Variants in ARHGEF38 observed in about 807,000 individuals in gnomAD.
ARHGEF38 encodes Rho guanine nucleotide exchange factor (GEF) 38.
A neutral mutation model predicts 79.9 loss-of-function variants in ARHGEF38; 79 were observed. The ratio of observed to expected loss-of-function variants is 0.99; its 90% CI spans 0.82 to 1.19. The LOEUF (loss-of-function observed/expected upper bound fraction) is 1.19. ARHGEF38 is among the 50% of genes most tolerant of loss of function. The pLI is 0.00. For synonymous variants in ARHGEF38, 366 were observed against 328.3 expected (o/e 1.11, Z -1.24); for missense variants, 962 against 907.2 (o/e 1.06, Z -0.78).
intron 7 of ARHGEF38, among the ~76,000 whole-genome samples, chr4:105,653,044 C>T (rs936535348): frequency 6.6e-6 from 1 of 152,152 alleles, no homozygotes; most frequent in Non-Finnish European, 1.5e-5. Context: ...ACAGATTTTG[C>T]CAGGATGAGG....
intron 1 of ARHGEF38, among the ~76,000 whole-genome samples, chr4:105,554,702 G>A (rs1725171920): frequency 6.6e-6 from 1 of 151,646 alleles, no homozygotes; most frequent in African/African-American, 2.4e-5. Context: ...TGTGAAAGTG[G>A]GACTAATGAT....
At chr4:105,675,108 AAAC>A (rs1731073858) in intron 13 of ARHGEF38, among the ~76,000 whole-genome samples, 2 of 152,174 alleles carry the variant, frequency 1.3e-5, no homozygotes. Flanking sequence ...CTACACAGCA[AAAC>A]AACACCATCT....
chr4:105,626,913 C>G (rs1319807804), intron 3 of ARHGEF38, among the ~76,000 whole-genome samples: 1 of 151,522 alleles, frequency 6.6e-6, no homozygotes, highest in Non-Finnish European at 1.5e-5. Context: ...AGTTTCTGAA[C>G]AGATCTTACT....
chr4:105,644,791 G>T, intron 5 of ARHGEF38, among the ~76,000 whole-genome samples: 1 of 152,096 alleles, frequency 6.6e-6, no homozygotes, highest in East Asian at 1.9e-4. Context: ...ATTTTTAAAT[G>T]GTTATTCTCC....
At chr4:105,568,245 A>G (rs955400084) in intron 1 of ARHGEF38, among the ~76,000 whole-genome samples, 5 of 152,092 alleles carry the variant, frequency 3.3e-5, no homozygotes, top group Non-Finnish European at 7.4e-5. Context: ...AAAAATGCTC[A>G]TCATCACTGG....
intron 1 of ARHGEF38, among the ~76,000 whole-genome samples, chr4:105,586,760 T>C (rs1362458483): frequency 1.3e-5 from 2 of 152,178 alleles, no homozygotes. Context: ...AGCATCATTT[T>C]TATTTTCAAG....
At chr4:105,661,949 T>C (rs547697810) in intron 10 of ARHGEF38, among the ~76,000 whole-genome samples, 3 of 152,262 alleles carry the variant, frequency 2.0e-5, no homozygotes, top group Non-Finnish European at 2.9e-5. Context: ...CGTGGACAGA[T>C]GTATCTGTAG....
At chr4:105,567,435 C>T (rs1438482702) in intron 1 of ARHGEF38, among the ~76,000 whole-genome samples, 3 of 152,158 alleles carry the variant, frequency 2.0e-5, no homozygotes, top group Non-Finnish European at 2.9e-5. Context: ...GTATTTTACC[C>T]TCATATTTCA....
chr4:105,653,018 G>A (rs1347761204), intron 7 of ARHGEF38, among the ~76,000 whole-genome samples: 1 of 152,168 alleles, frequency 6.6e-6, no homozygotes, highest in African/African-American at 2.4e-5. Context: ...ATTCCATGAA[G>A]CATTTGCACG....
At chr4:105,617,009 CTAA>C (rs1728537471) in intron 3 of ARHGEF38, among the ~76,000 whole-genome samples, 1 of 152,146 alleles carries the variant, frequency 6.6e-6, no homozygotes, top group African/African-American at 2.4e-5. Context: ...ACAATGGTTA[CTAA>C]TGAGTTGACA....
At chr4:105,671,455 C>T (rs1031114632) in intron 13 of ARHGEF38, among the ~76,000 whole-genome samples, 1 of 152,142 alleles carries the variant, frequency 6.6e-6, no homozygotes, top group Non-Finnish European at 1.5e-5. Flanking sequence ...GCACATGGGC[C>T]AGTGGTTTCC....
In ARHGEF38 at chr4:105,656,200, G is replaced by A. The variant is rs1057387716; in HGVS notation, c.1233+478G>A. On this transcript the variant is annotated intron_variant, in intron 9 of 13. Coordinates refer to ENST00000420470, the MANE Select transcript of ARHGEF38 (RefSeq NM_001242729.2). The stretch of plus-strand genomic sequence containing the variant: ...CTCTCGAGTAGCTGGAACTAAAGGG[G>A]CACACCACCACACCTAGAAGATTTT... Among the ~76,000 whole-genome samples, 6 of 152,118 alleles carry A rather than the reference G, an allele frequency of 3.9e-5. No individual in the cohort carries two copies. In the East Asian group the frequency reaches 1.2e-3, roughly 29 times the overall value.
chr4:105,645,380 A>C lies in ARHGEF38; in HGVS notation c.867A>C (p.Lys289Asn). Residue 289 changes from lysine (K) to asparagine (N), a missense_variant, in exon 6 of 14, where the codon AAA becomes AAC. Coordinates refer to ENST00000420470, the MANE Select transcript of ARHGEF38 (RefSeq NM_001242729.2). ...NVNINELKRR[K>N]DLVLKYKKND... The stretch of plus-strand genomic sequence containing the variant: ...ACATCAATGAACTTAAAAGAAGGAA[A>C]GATTTAGGTAGGAAGAGACATGATG... The C allele has an allele frequency of 2.6e-6, 4 of 1,523,574 alleles. No individual in the cohort carries two copies. Among genetic ancestry groups the C allele is most frequent in the Admixed American group, 2.1e-5 (1 of 48,136 alleles). 94.4% of individuals were successfully genotyped at this position (1,523,574 alleles called of 1,614,324 possible). A position where few individuals can be genotyped will look rare whatever the true frequency, so the allele number is the denominator to read the frequency against.
rs1578253642 is a variant in ARHGEF38 at position 105,561,469 on chromosome 4, A to AATGGAATG, written c.196+8508_196+8509insATGGAATG. On this transcript the variant is annotated intron_variant, in intron 1 of 13. Coordinates refer to ENST00000420470, the MANE Select transcript of ARHGEF38 (RefSeq NM_001242729.2). ...AGAATGGAATAGAATAGAATAGAAT[A>AATGGAATG]GAATAGAATAGAATAGAATAGAATA... 3.3e-3 allele frequency: 166 copies of AATGGAATG among 49,656 alleles called. 12 individuals are homozygous for AATGGAATG. The highest frequency in any genetic ancestry group is 4.4e-3 in the Non-Finnish European group (107 of 24,548). 3.1% of individuals were successfully genotyped at this position (49,656 alleles called of 1,614,324 possible).
At chr4:105,610,672 G>T (rs1728255666) in intron 2 of ARHGEF38, among the ~76,000 whole-genome samples, 1 of 152,020 alleles carries the variant, frequency 6.6e-6, no homozygotes, top group South Asian at 2.1e-4. Context: ...ATCCCCATGG[G>T]CTCATAGTGA....
In ARHGEF38 at chr4:105,665,472, GA is replaced by G. The variant is rs201955561; in HGVS notation, c.1546-695del. 6.3e-3 allele frequency among the ~76,000 whole-genome samples: 942 copies of G among 150,688 alleles called. 6 individuals are homozygous for G. Among genetic ancestry groups the G allele is most frequent in the African/African-American group, 0.021 (859 of 41,140 alleles). On this transcript the variant is annotated intron_variant, in intron 10 of 13. Transcript: ENST00000420470. ...AAATCGTGCCTCTGCACTCCAGCCT[GA>G]AAAAAAAAATTTTTTTTTTAGTAGT...
chr4:105,576,984 T>C (rs1158013436), intron 1 of ARHGEF38, among the ~76,000 whole-genome samples: 1 of 152,320 alleles, frequency 6.6e-6, no homozygotes, highest in East Asian at 1.9e-4. Flanking sequence ...CATGGTGTAT[T>C]ACCTTTTTGA....
At chr4:105,658,648 C>T (rs978626211) in intron 9 of ARHGEF38, among the ~76,000 whole-genome samples, 6 of 152,116 alleles carry the variant, frequency 3.9e-5, no homozygotes, top group African/African-American at 1.4e-4. Flanking sequence ...GAATCTTTTA[C>T]ACAGTCTTGG....
At chr4:105,619,300 T>C (rs1728641122) in intron 3 of ARHGEF38, among the ~76,000 whole-genome samples, 1 of 151,624 alleles carries the variant, frequency 6.6e-6, no homozygotes, top group South Asian at 2.1e-4. Flanking sequence ...TGCCCAGCCA[T>C]TCAAAGCAAC....
Sources: allele counts gnomAD v4.1 joint callset (sites outside exome capture counted in the v4.1 genomes callset), GRCh38; gene constraint gnomAD v4.1.1; transcripts MANE v1.5; gene names NCBI Gene and HGNC (gene_info 2026-07-23, HGNC 2026-07-21).